The following DOCK2 variants were observed in gnomAD, a reference collection of about 807,000 sequenced individuals.
DOCK2 encodes dedicator of cytokinesis protein 2.
Under a neutral mutation model 248.9 loss-of-function variants are expected in DOCK2, and 87 were observed. The observed-to-expected ratio is 0.35, with a 90% CI of 0.29 to 0.42. DOCK2 has a LOEUF of 0.42. Ranked by LOEUF, DOCK2 falls within the 10% of genes least tolerant of loss-of-function variation. The probability of loss-of-function intolerance (pLI) is 1.00; values close to 1 mark genes in which losing one functional copy is unlikely to be tolerated. For synonymous variants in DOCK2, 805 were observed against 821.6 expected (o/e 0.98, Z 0.35); for missense variants, 1,747 against 2,300.2 (o/e 0.76, Z 4.92).
chr5:170,023,599 G>A (rs945512817), intron 33 of DOCK2, among the ~76,000 whole-genome samples: 2 of 152,146 alleles, frequency 1.3e-5, no homozygotes, highest in African/African-American at 2.4e-5. Context: ...TCTTTTGGGG[G>A]ATGAATTGGA....
intron 22 of DOCK2, among the ~76,000 whole-genome samples, chr5:169,727,376 CTG>C (rs1762539319): frequency 6.6e-6 from 1 of 152,176 alleles, no homozygotes; most frequent in Non-Finnish European, 1.5e-5. Flanking sequence ...GGGGAGGGAT[CTG>C]ACACTCAAGC....
At chr5:169,755,808 G>A (rs375494709) in intron 23 of DOCK2, among the ~76,000 whole-genome samples, 43 of 152,266 alleles carry the variant, frequency 2.8e-4, no homozygotes, top group African/African-American at 9.4e-4. Flanking sequence ...TCCCAGGATA[G>A]AAACATGTAA....
intron 7 of DOCK2, among the ~76,000 whole-genome samples, chr5:169,682,823 C>T (rs981040417): frequency 5.3e-5 from 8 of 152,168 alleles, no homozygotes; most frequent in South Asian, 2.1e-4. Context: ...CCCCAAGCCC[C>T]GTGCAACCCC....
rs566836243 is a variant in DOCK2, at chr5:169,699,949, C to T, written c.1133-65C>T. On this transcript the variant is annotated intron_variant, in intron 12 of 51. Coordinates refer to ENST00000520908, the MANE Select transcript of DOCK2 (RefSeq NM_004946.3). ...CCAGAAAGACAGAGGGGAGAGGTGG[C>T]GGGAGGGCCGACTGAGGGGTCACTT... The T allele has an allele frequency of 2.5e-5, 40 of 1,594,538 alleles. No individual in the cohort carries two copies. In the East Asian group the frequency reaches 2.7e-4, roughly 11 times the overall value.
chr5:169,989,253 G>T (rs1778149415), intron 29 of DOCK2, among the ~76,000 whole-genome samples: 1 of 152,150 alleles, frequency 6.6e-6, no homozygotes, highest in Admixed American at 6.5e-5. Context: ...TTTCTTTTTG[G>T]TAAGCTGCAA....
intron 27 of DOCK2, among the ~76,000 whole-genome samples, chr5:169,981,949 GTC>G (rs1777949944): frequency 6.6e-6 from 1 of 151,826 alleles, no homozygotes. Flanking sequence ...TATTGCGGTG[GTC>G]TGGAACCAAA....
At position 169,933,735 on chromosome 5, in the gene DOCK2, C is replaced by G. The variant is rs1581438956; in HGVS notation, c.2800-49333C>G. Among the ~76,000 whole-genome samples the G allele has an allele frequency of 2.0e-5, 3 of 152,280 alleles. No homozygotes were observed. In the South Asian group the frequency reaches 6.2e-4, roughly 32 times the overall value. The stretch of plus-strand genomic sequence containing the variant: ...AAGCAGTTTTGGGGTCAGACACCCA[C>G]TTCTCAGACTTCCAGGCAGCTGCCA... On this transcript the variant is annotated intron_variant, in intron 27 of 51. Coordinates refer to ENST00000520908, the MANE Select transcript of DOCK2 (RefSeq NM_004946.3).
intron 23 of DOCK2, among the ~76,000 whole-genome samples, chr5:169,754,964 T>C (rs1213858344): frequency 1.3e-5 from 2 of 151,934 alleles, no homozygotes; most frequent in Admixed American, 1.3e-4. Flanking sequence ...TTTGAGACAA[T>C]GTTTCTGTCT....
intron 17 of DOCK2, among the ~76,000 whole-genome samples, chr5:169,713,499 G>T (rs1357556593): frequency 6.6e-6 from 1 of 151,802 alleles, no homozygotes; most frequent in South Asian, 2.1e-4. Context: ...CATATTATCT[G>T]CTCAGGTATT....
intron 27 of DOCK2, among the ~76,000 whole-genome samples, chr5:169,846,407 G>T (rs993471946): frequency 6.6e-6 from 1 of 152,144 alleles, no homozygotes; most frequent in Non-Finnish European, 1.5e-5. Flanking sequence ...TGAATTGTTG[G>T]TGACAAATGA....
At position 169,714,386 on chromosome 5, in the gene DOCK2, C is replaced by T. The variant is rs770056054; in HGVS notation, c.1870C>T (p.Arg624Cys). 2 of 1,613,852 alleles carry T rather than the reference C, an allele frequency of 1.2e-6. No homozygotes were observed. The highest frequency in any genetic ancestry group is 1.7e-6 in the Non-Finnish European group (2 of 1,179,950). The change falls in exon 19 of 52, where the codon CGT becomes TGT. Residue 624 changes from arginine (R) to cysteine (C), a missense_variant. By Grantham distance (180) the Arg-to-Cys change is radical. Around this residue, in one of 4 missense-constraint regions of DOCK2, gnomAD observed 858 missense variants for 1,183.5 expected, o/e 0.72. Coordinates refer to ENST00000520908, the MANE Select transcript of DOCK2 (RefSeq NM_004946.3). The stretch of plus-strand genomic sequence containing the variant: ...GGGCTTGCTGGGTTTGCTGAAGTGG[C>T]GTATGAAGCCTCAACTGCTACAGGA... Reference protein sequence around the residue: ...NVGLLGLLKWRMKPQLLQENL... With the variant: ...NVGLLGLLKWCMKPQLLQENL...
intron 8 of DOCK2, among the ~76,000 whole-genome samples, chr5:169,686,834 T>G (rs1033759508): frequency 6.6e-6 from 1 of 152,146 alleles, no homozygotes; most frequent in Non-Finnish European, 1.5e-5. Context: ...TAATGTAAAT[T>G]TTTACAGGAC....
chr5:169,989,109 T>C (rs1181150595), intron 29 of DOCK2, among the ~76,000 whole-genome samples: 2 of 152,244 alleles, frequency 1.3e-5, no homozygotes, highest in Non-Finnish European at 2.9e-5. Context: ...ATTAGTCATC[T>C]ATTATTTACT....
At chr5:169,703,932 T>C (rs1761113035) in intron 14 of DOCK2, 1 of 152,226 alleles carries the variant, frequency 6.6e-6, no homozygotes, top group Non-Finnish European at 1.5e-5. Flanking sequence ...ACCTTCCATG[T>C]TGCCAAAGGA....
At chr5:170,013,780 C>T (rs1755401457) in intron 32 of DOCK2, among the ~76,000 whole-genome samples, 1 of 152,082 alleles carries the variant, frequency 6.6e-6, no homozygotes, top group South Asian at 2.1e-4. Flanking sequence ...TTTATAACAA[C>T]AGCTGTAGGA....
intron 33 of DOCK2, among the ~76,000 whole-genome samples, chr5:170,021,874 GA>G: frequency 1.3e-5 from 2 of 152,248 alleles, no homozygotes; most frequent in East Asian, 3.9e-4. Flanking sequence ...TTGATGGCCA[GA>G]ACGAGAGTGA....
intron 8 of DOCK2, among the ~76,000 whole-genome samples, chr5:169,687,685 A>G (rs1259999272): frequency 2.0e-5 from 3 of 152,216 alleles, no homozygotes; most frequent in African/African-American, 7.2e-5. Flanking sequence ...AACTTAAATA[A>G]GTGCTAGACC....
chr5:169,935,334 A>T (rs879854968), intron 27 of DOCK2, among the ~76,000 whole-genome samples: 2 of 152,168 alleles, frequency 1.3e-5, no homozygotes, highest in Non-Finnish European at 2.9e-5. Flanking sequence ...TGTGTAGGGA[A>T]ACTGAATCTC....
chr5:169,747,565 C>A, intron 23 of DOCK2, 61 bp downstream of exon 23: 3 of 1,406,152 alleles, frequency 2.1e-6, no homozygotes, highest in East Asian at 2.4e-5. Context: ...TAACAGCATG[C>A]TAAGATAATA....
Sources: allele counts gnomAD v4.1 joint callset (sites outside exome capture counted in the v4.1 genomes callset), GRCh38; gene constraint gnomAD v4.1.1; regional missense constraint gnomAD v4.1.1; transcripts MANE v1.5; gene names NCBI Gene and HGNC (gene_info 2026-07-23, HGNC 2026-07-21).